Variants in FAAH2 observed in about 807,000 individuals in gnomAD.
FAAH2 encodes fatty acid amide hydrolase 2, also known as fatty-acid amide hydrolase 2.
A neutral mutation model predicts 36.9 loss-of-function variants in FAAH2; 60 were observed. The ratio of observed to expected loss-of-function variants is 1.63; its 90% confidence interval spans 1.32 to 2.02. The LOEUF (loss-of-function observed/expected upper bound fraction) is 2.02, where lower values mean the gene tolerates loss of function less well. Ranked by LOEUF, FAAH2 falls within the 30% of genes most tolerant of loss-of-function variation. The pLI is 0.00. For missense variants in FAAH2, 689 were observed against 397.5 expected (o/e 1.73, Z -6.23); for synonymous variants, 214 against 143.8 (o/e 1.49, Z -3.49).
chrX:57,377,373 G>C (rs1390338038), intron 5 of FAAH2, among the ~76,000 whole-genome samples: 1 of 112,283 alleles, frequency 8.9e-6, no homozygotes, highest in Non-Finnish European at 1.9e-5. Flanking sequence ...TGGCTAGCCA[G>C]TTTTCCCAGC....
At chrX:57,390,270 T>C (rs2055133187) in intron 7 of FAAH2, among the ~76,000 whole-genome samples, 1 of 111,953 alleles carries the variant, frequency 8.9e-6, no homozygotes, top group Admixed American at 9.5e-5. Context: ...AAGACCAATG[T>C]CACGGAGCTT....
At chrX:57,439,525 G>A (rs755951215) in intron 8 of FAAH2, among the ~76,000 whole-genome samples, 1 of 111,215 alleles carries the variant, frequency 9.0e-6, no homozygotes, top group East Asian at 2.9e-4. Flanking sequence ...TGAGTAGGTT[G>A]CAAATTTTTC....
chrX:57,201,676 A>AT, the FAAH2 span, among the ~76,000 whole-genome samples: 2 of 110,777 alleles, frequency 1.8e-5, no homozygotes, highest in South Asian at 3.8e-4. Flanking sequence ...GGATATTGAC[A>AT]TTTTTTTCTT....
intron 7 of FAAH2, among the ~76,000 whole-genome samples, chrX:57,426,273 A>G (rs1861438095): frequency 8.9e-6 from 1 of 112,102 alleles, no homozygotes; most frequent in Non-Finnish European, 1.9e-5. Flanking sequence ...AACAAATATT[A>G]CTAGAACTAA....
At chrX:57,255,453 C>G in the FAAH2 span, among the ~76,000 whole-genome samples, 2 of 110,640 alleles carry the variant, frequency 1.8e-5, no homozygotes, top group Non-Finnish European at 3.8e-5. Context: ...GATACAAAAG[C>G]CTGGCAGAGA....
At chrX:57,408,492 C>G (rs1024632789) in intron 7 of FAAH2, among the ~76,000 whole-genome samples, 1 of 110,921 alleles carries the variant, frequency 9.0e-6, no homozygotes, top group African/African-American at 3.3e-5. Flanking sequence ...GAGAACATGT[C>G]ATCTGCAAAC....
At chrX:57,397,431 G>A (rs1281400862) in intron 7 of FAAH2, among the ~76,000 whole-genome samples, 1 of 111,811 alleles carries the variant, frequency 8.9e-6, no homozygotes, top group Non-Finnish European at 1.9e-5. Flanking sequence ...TCCATATTTA[G>A]TACTTCTATG....
At chrX:57,372,974 G>T (rs1276912372) in intron 5 of FAAH2, among the ~76,000 whole-genome samples, 1 of 110,934 alleles carries the variant, frequency 9.0e-6, no homozygotes, top group Non-Finnish European at 1.9e-5. Flanking sequence ...AACCTACAAT[G>T]TTTGGTTTTT....
the FAAH2 span, among the ~76,000 whole-genome samples, chrX:57,215,215 A>G: frequency 9.0e-6 from 1 of 111,671 alleles, no homozygotes; most frequent in African/African-American, 3.3e-5. Context: ...TATGAAAAAA[A>G]CCTCCACATC....
chrX:57,234,234 C>T, the FAAH2 span, among the ~76,000 whole-genome samples: 1 of 111,636 alleles, frequency 9.0e-6, no homozygotes, highest in Non-Finnish European at 1.9e-5. Flanking sequence ...TCAAACTTCA[C>T]TTTATAAAAT....
intron 5 of FAAH2, among the ~76,000 whole-genome samples, chrX:57,359,827 T>G (rs887527421): frequency 3.6e-5 from 4 of 111,869 alleles, no homozygotes; most frequent in Non-Finnish European, 7.5e-5. Flanking sequence ...GATTTCAACT[T>G]GAAGGACTCC....
At chrX:57,159,677 T>C in the FAAH2 span, among the ~76,000 whole-genome samples, 2 of 112,087 alleles carry the variant, frequency 1.8e-5, no homozygotes, top group South Asian at 3.7e-4. Flanking sequence ...GTGATTTTTG[T>C]ACATTGATTT....
intron 7 of FAAH2, among the ~76,000 whole-genome samples, chrX:57,412,401 T>C (rs977308503): frequency 2.7e-5 from 3 of 110,684 alleles, no homozygotes; most frequent in Non-Finnish European, 5.7e-5. Flanking sequence ...GGCCCCAGCA[T>C]GTGATGTTCC....
the FAAH2 span, among the ~76,000 whole-genome samples, chrX:57,215,276 C>T: frequency 1.8e-5 from 2 of 111,190 alleles, no homozygotes; most frequent in Non-Finnish European, 3.8e-5. Flanking sequence ...TACCATCTCA[C>T]GCCAGTCAGA....
intron 10 of FAAH2, among the ~76,000 whole-genome samples, chrX:57,467,306 G>A (rs755746255): frequency 2.4e-4 from 27 of 110,990 alleles, no homozygotes; most frequent in Non-Finnish European, 4.3e-4. Flanking sequence ...GCAAGGCATC[G>A]CCTCTCCCAG....
chrX:57,187,427 CTT>C, the FAAH2 span, among the ~76,000 whole-genome samples: 5 of 111,195 alleles, frequency 4.5e-5, no homozygotes. Flanking sequence ...TATCCTGAGA[CTT>C]TGCTGAAGTT....
chrX:57,285,342 A>G (rs1446727296), upstream of FAAH2, among the ~76,000 whole-genome samples: 1 of 112,157 alleles, frequency 8.9e-6, no homozygotes, highest in Non-Finnish European at 1.9e-5. Flanking sequence ...TTATCTCATA[A>G]TCACATACCT....
chrX:57,225,003 C>A, the FAAH2 span, among the ~76,000 whole-genome samples: 1 of 112,221 alleles, frequency 8.9e-6, no homozygotes, highest in African/African-American at 3.2e-5. Flanking sequence ...TGTTTCATTT[C>A]TCTGTGAGGT....
At chrX:57,198,465 C>G in the FAAH2 span, among the ~76,000 whole-genome samples, 1 of 112,186 alleles carries the variant, frequency 8.9e-6, no homozygotes, top group Non-Finnish European at 1.9e-5. Flanking sequence ...AGCCAGTGAG[C>G]AGAACTGAGA....
Sources: gnomAD v4.1 joint callset for allele counts (sites outside exome capture counted in the v4.1 genomes callset) on GRCh38, gnomAD v4.1.1 for gene constraint, MANE v1.5 for transcripts, NCBI Gene and HGNC (gene_info 2026-07-23, HGNC 2026-07-21) for gene names.